Variants in EIF3M observed in about 807,000 individuals in gnomAD.
The protein encoded by EIF3M is eukaryotic translation initiation factor 3 subunit M, also known as B5 receptor.
In EIF3M, 25 loss-of-function variants were observed where a neutral mutation model predicts 49.7. The ratio of observed to expected loss-of-function variants is 0.50; its 90% CI spans 0.37 to 0.70. The LOEUF (loss-of-function observed/expected upper bound fraction) is 0.70. Among genes scored for constraint, EIF3M ranks in the 30% least tolerant of loss-of-function variants. EIF3M has a pLI of 0.00. For synonymous variants in EIF3M, 156 were observed against 149.8 expected (o/e 1.04, Z -0.30); for missense variants, 350 against 440.0 (o/e 0.80, Z 1.83).
At position 32,600,751 on chromosome 11, in the gene EIF3M, G is replaced by A; in HGVS notation, c.862G>A (p.Glu288Lys). The change falls in exon 9 of 11, where the codon GAA becomes AAA. Residue 288 changes from glutamate to lysine, a missense_variant. Transcript: ENST00000531120. ...ACTTACTTTTATGGGAATGGCAGTA[G>A]AAAATAAGGAAATTTCTTTTGACAC... ...RLLTFMGMAV[E>K]NKEISFDTMQ... The A allele has an allele frequency of 6.2e-7, 1 of 1,611,950 alleles. No individual in the cohort carries two copies. The highest frequency in any genetic ancestry group is 8.5e-7 in the Non-Finnish European group (1 of 1,178,588).
chr11:32,589,045 T>C lies in EIF3M; in HGVS notation c.348T>C (p.Asn116=). The stretch of plus-strand genomic sequence containing the variant: ...ACCTTTTCCACGGGATGGATAAGAA[T>C]ACTCCTGTAAGATACACAGTGTATT... The part of the protein sequence containing the change: ...LSNLFHGMDK[N]TPVRYTVYCS... The change falls in exon 4 of 11, where the codon AAT becomes AAC. Residue 116 remains asparagine, a synonymous_variant. Coordinates refer to ENST00000531120, the MANE Select transcript of EIF3M (RefSeq NM_006360.6). 7 of 1,614,242 alleles carry C rather than the reference T, an allele frequency of 4.3e-6. No homozygotes were observed. Among genetic ancestry groups the C allele is most frequent in the Non-Finnish European group, 5.9e-6 (7 of 1,180,038 alleles).
At position 32,589,281 on chromosome 11, in the gene EIF3M, G is replaced by T. The variant is rs1855055753; in HGVS notation, c.438+146G>T. ...AACCTCCGCCTCCAGGGTTCAAGCAGTTCTCCTTCCTCTGCCTCCTGAGCA... is the reference window on the plus strand; with the variant it reads ...AACCTCCGCCTCCAGGGTTCAAGCATTTCTCCTTCCTCTGCCTCCTGAGCA... On this transcript the variant is annotated intron_variant, in intron 4 of 10. Transcript: ENST00000531120. 4.7e-6 allele frequency: 6 copies of T among 1,265,620 alleles called. No individual in the cohort carries two copies. The East Asian group carries it at 1.5e-4, about 32-fold the overall frequency. 78.4% of individuals were successfully genotyped at this position (1,265,620 alleles called of 1,614,324 possible). A position where few individuals can be genotyped will look rare whatever the true frequency, so the allele number is the denominator to read the frequency against.
intron 6 of EIF3M, 58 bp from the exon 7 acceptor site, chr11:32,594,856 C>T: frequency 6.6e-7 from 1 of 1,507,342 alleles, no homozygotes; most frequent in Non-Finnish European, 9.0e-7. Context: ...TCTGCAAAAA[C>T]TCAATGAAAA....
Position 32,588,868 on chromosome 11 carries a change from G to A in EIF3M, c.314+136G>A, listed in dbSNP as rs1855047606. The A allele has an allele frequency of 2.0e-6, 3 of 1,537,114 alleles. No individual in the cohort carries two copies. In the Admixed American group the frequency reaches 5.7e-5, roughly 29 times the overall value. ...TATTAGCTGTGACCTTGGGCAAGTGGCTTGACCTTTCTGTGCCCTAGTTTC... is the reference window on the plus strand; with the variant it reads ...TATTAGCTGTGACCTTGGGCAAGTGACTTGACCTTTCTGTGCCCTAGTTTC... On this transcript the variant is annotated intron_variant, in intron 3 of 10. Coordinates refer to ENST00000531120, the MANE Select transcript of EIF3M (RefSeq NM_006360.6).
At chr11:32,598,377 A>G (rs992199933) in intron 8 of EIF3M, among the ~76,000 whole-genome samples, 1 of 152,194 alleles carries the variant, frequency 6.6e-6, no homozygotes, top group African/African-American at 2.4e-5. Context: ...AAATGTTTCC[A>G]TAAAATTAGA....
At position 32,588,726 on chromosome 11, in the gene EIF3M, T is replaced by G; in HGVS notation, c.308T>G (p.Leu103Arg). The G allele has an allele frequency of 6.2e-7, 1 of 1,614,196 alleles. No homozygotes were observed. Among genetic ancestry groups the G allele is most frequent in the Non-Finnish European group, 8.5e-7 (1 of 1,180,026 alleles). The change falls in exon 3 of 11, where the codon CTG becomes CGG. Residue 103 changes from leucine (L) to arginine (R), a missense_variant. Coordinates refer to ENST00000531120, the MANE Select transcript of EIF3M (RefSeq NM_006360.6). The stretch of plus-strand genomic sequence containing the variant: ...GAAGGTGAACGCCCGTCTCTGAGAC[T>G]GCAGTTGTAAGTTAAGATCTGAAAG... ...FREGERPSLR[L>R]QLLSNLFHGM...
rs895633148 is a variant in EIF3M, at chr11:32,604,185, C to T, written c.*1786C>T. 6.6e-6 allele frequency: 1 copy of T among 152,450 alleles called. No individual in the cohort carries two copies. Among genetic ancestry groups the T allele is most frequent in the Admixed American group, 6.5e-5 (1 of 15,290 alleles). 9.4% of individuals were successfully genotyped at this position (152,450 alleles called of 1,614,324 possible). ...TCACCTAGGCTGGAGTGCAGTGGCA[C>T]AATCACAGCTCATTGCAGCCTTGAC... On this transcript the variant is annotated 3_prime_UTR_variant, in exon 11 of 11. Transcript: ENST00000531120.
At chr11:32,584,547 G>A (rs1408686708) in intron 1 of EIF3M, among the ~76,000 whole-genome samples, 3 of 134,472 alleles carry the variant, frequency 2.2e-5, no homozygotes, top group Middle Eastern at 4.3e-3. Context: ...GGCGGAGTTT[G>A]CAGTGAGCCA....
At position 32,604,661 on chromosome 11, in the gene EIF3M, A is replaced by G. The variant is rs1398755749; in HGVS notation, c.*2262A>G. The G allele has an allele frequency of 6.6e-6, 1 of 152,150 alleles. No individual in the cohort carries two copies. The highest frequency in any genetic ancestry group is 2.4e-5 in the African/African-American group (1 of 41,430). The allele number at this position is 152,150 out of a possible 1,614,324, so 9.4% of individuals were successfully genotyped here. The stretch of plus-strand genomic sequence containing the variant: ...GCTCCATCATATTCTGTGTTCTGCA[A>G]ATTATTTCTGGACATTTAAATTGTA... On this transcript the variant is annotated 3_prime_UTR_variant, in exon 11 of 11. Transcript: ENST00000531120.
intron 1 of EIF3M, 147 bp from the exon 2 acceptor site, chr11:32,586,865 T>C (rs1855008356): frequency 1.8e-6 from 2 of 1,084,256 alleles, no homozygotes; most frequent in Non-Finnish European, 2.5e-6. Flanking sequence ...ATTGCCAAGA[T>C]GGATGAGGTG....
At chr11:32,588,375 C>G (rs912614347) in intron 2 of EIF3M, among the ~76,000 whole-genome samples, 1 of 110,266 alleles carries the variant, frequency 9.1e-6, no homozygotes, top group Non-Finnish European at 1.7e-5. Context: ...GGCAAGAGAG[C>G]AAGACTTCAT....
intron 1 of EIF3M, chr11:32,584,153 C>T (rs1202336841): frequency 5.1e-6 from 3 of 590,346 alleles, no homozygotes; most frequent in Non-Finnish European, 9.0e-6. Context: ...ACCGCCAGCT[C>T]CCTGGTCGGC....
Position 32,588,673 on chromosome 11 carries a change from C to A in EIF3M, c.255C>A (p.Ser85Arg), listed in dbSNP as rs1462172156. ...ACAAGCAAGAAGCTTTGATTGAAAG[C>A]CTATGTGAAAAGCTGGTCAAATTTC... ...EPDKQEALIE[S>R]LCEKLVKFRE... The change falls in exon 3 of 11, where the codon AGC (serine) becomes AGA (arginine). Residue 85 changes from serine to arginine, a missense_variant. Physicochemically the swap from Ser to Arg is moderately radical, Grantham distance 110. Transcript: ENST00000531120. The A allele has an allele frequency of 6.2e-7, 1 of 1,614,158 alleles. No individual in the cohort carries two copies. Among genetic ancestry groups the A allele is most frequent in the Non-Finnish European group, 8.5e-7 (1 of 1,180,030 alleles).
chr11:32,589,706 T>A, intron 5 of EIF3M, 65 bp downstream of exon 5: 1 of 1,434,884 alleles, frequency 7.0e-7, no homozygotes, highest in Non-Finnish European at 9.7e-7. Flanking sequence ...GGATGTTTTT[T>A]AAAGAGAAGT....
intron 8 of EIF3M, among the ~76,000 whole-genome samples, chr11:32,598,431 A>ACTT: frequency 6.6e-6 from 1 of 152,300 alleles, no homozygotes; most frequent in Middle Eastern, 3.4e-3. Flanking sequence ...GTACACTGTG[A>ACTT]CTTCCTCTTT....
chr11:32,593,430 CTT>C (rs1323116592), intron 5 of EIF3M, among the ~76,000 whole-genome samples: 9 of 152,254 alleles, frequency 5.9e-5, no homozygotes, highest in Non-Finnish European at 1.3e-4. Context: ...GGACACAAAA[CTT>C]TTTTTGCGCC....
intron 5 of EIF3M, chr11:32,592,086 A>G (rs549187265): frequency 2.8e-5 from 8 of 288,626 alleles, no homozygotes; most frequent in South Asian, 2.6e-4. Context: ...ATATCCAGCA[A>G]CCCCTCCTCC....
chr11:32,588,111 C>G (rs988215213), intron 2 of EIF3M, among the ~76,000 whole-genome samples: 54 of 152,242 alleles, frequency 3.5e-4, no homozygotes, highest in African/African-American at 1.3e-3. Context: ...ACATCATAGG[C>G]CAGGCATAGT....
rs191644109 is a variant in EIF3M, at chr11:32,602,761, A to G, written c.*362A>G. 77 of 1,285,080 alleles carry G rather than the reference A, an allele frequency of 6.0e-5. No homozygotes were observed. The East Asian group carries it at 1.6e-3, about 27-fold the overall frequency. 79.6% of individuals were successfully genotyped at this position (1,285,080 alleles called of 1,614,324 possible). ...CAGTCATTTTATTCTAGTAAAAACT[A>G]TACCAGAATTTCAGTTACATAATTT... On this transcript the variant is annotated 3_prime_UTR_variant, in exon 11 of 11. Transcript: ENST00000531120.
Sources: gnomAD v4.1 joint callset for allele counts (sites outside exome capture counted in the v4.1 genomes callset) on GRCh38, gnomAD v4.1.1 for gene constraint, MANE v1.5 for transcripts, NCBI Gene and HGNC (gene_info 2026-07-23, HGNC 2026-07-21) for gene names.